Variants in LIPC observed in about 807,000 individuals in gnomAD.
LIPC encodes hepatic triacylglycerol lipase.
Under a neutral mutation model 50.7 loss-of-function variants are expected in LIPC, and 44 were observed. The observed-to-expected ratio is 0.87, with a 90% CI of 0.68 to 1.11. The LOEUF is 1.11. Ranked by LOEUF, LIPC falls within the 50% of genes most tolerant of loss-of-function variation. The probability of loss-of-function intolerance (pLI) is 0.00; values close to 1 mark genes in which losing one functional copy is unlikely to be tolerated. For missense variants in LIPC, 697 were observed against 648.2 expected (o/e 1.08, Z -0.82); for synonymous variants, 271 against 256.4 (o/e 1.06, Z -0.54).
chr15:58,519,068 G>T (rs114375546), intron 1 of LIPC, among the ~76,000 whole-genome samples: 5 of 151,998 alleles, frequency 3.3e-5, no homozygotes, highest in African/African-American at 1.2e-4. Context: ...AACTACACAG[G>T]GTATACAGGA....
intron 1 of LIPC, among the ~76,000 whole-genome samples, chr15:58,512,030 C>A (rs1041446924): frequency 5.9e-5 from 9 of 152,096 alleles, no homozygotes; most frequent in Admixed American, 2.0e-4. Flanking sequence ...AACCATAATA[C>A]AATAGTTATC....
chr15:58,516,237 C>CTTTTTTTTTTTTTTTTT (rs11351202), intron 1 of LIPC, among the ~76,000 whole-genome samples: 2 of 45,136 alleles, frequency 4.4e-5, no homozygotes, highest in Non-Finnish European at 8.3e-5. Flanking sequence ...CCTCTAGCTT[C>CTTTTTTTTTTTTTTTTT]TTTTTTTTTT....
intron 1 of LIPC, among the ~76,000 whole-genome samples, chr15:58,465,749 T>A (rs758655997): frequency 6.6e-6 from 1 of 152,066 alleles, no homozygotes; most frequent in Non-Finnish European, 1.5e-5. Flanking sequence ...CCTGGGAAGA[T>A]AGAGTCCAAG....
intron 1 of LIPC, among the ~76,000 whole-genome samples, chr15:58,466,166 C>G (rs926740354): frequency 8.5e-5 from 13 of 152,218 alleles, no homozygotes; most frequent in African/African-American, 2.9e-4. Flanking sequence ...CGTGAGATAT[C>G]TATCCATCTC....
At chr15:58,496,771 G>GTCTCCC (rs1891783834) in intron 1 of LIPC, among the ~76,000 whole-genome samples, 1 of 86,016 alleles carries the variant, frequency 1.2e-5, no homozygotes, top group African/African-American at 4.4e-5. Flanking sequence ...TTAAGATGGA[G>GTCTCCC]TCTCCCTCTG....
chr15:58,500,891 C>T (rs945679603), intron 1 of LIPC, among the ~76,000 whole-genome samples: 2 of 151,952 alleles, frequency 1.3e-5, no homozygotes, highest in African/African-American at 4.8e-5. Flanking sequence ...GACAAAGCCA[C>T]GTCAAAACAC....
chr15:58,435,230 TC>T (rs1223741057), intron 1 of LIPC: 19 of 152,352 alleles, frequency 1.2e-4, no homozygotes, highest in Non-Finnish European at 2.6e-4. Context: ...TGCAAATCTC[TC>T]TAATATCTGG....
At chr15:58,460,242 T>C (rs1227188775) in intron 1 of LIPC, among the ~76,000 whole-genome samples, 1 of 152,168 alleles carries the variant, frequency 6.6e-6, no homozygotes. Flanking sequence ...TGAAATAAAG[T>C]TTTGGCTTTT....
At chr15:58,471,670 T>C (rs545093565) in intron 1 of LIPC, among the ~76,000 whole-genome samples, 10 of 152,314 alleles carry the variant, frequency 6.6e-5, no homozygotes, top group African/African-American at 2.2e-4. Flanking sequence ...TAAAAGAAAC[T>C]TCTGGAGTCA....
intron 1 of LIPC, among the ~76,000 whole-genome samples, chr15:58,510,165 G>A (rs926345247): frequency 7.9e-5 from 12 of 152,324 alleles, no homozygotes; most frequent in Non-Finnish European, 1.6e-4. Context: ...AATAGACAAG[G>A]ACACAGCTCC....
chr15:58,489,019 G>C (rs1891474518), intron 1 of LIPC, among the ~76,000 whole-genome samples: 1 of 152,152 alleles, frequency 6.6e-6, no homozygotes, highest in South Asian at 2.1e-4. Context: ...GCATCTGCAA[G>C]TGCATTGTAA....
chr15:58,458,857 C>T (rs1894230328), intron 1 of LIPC, among the ~76,000 whole-genome samples: 1 of 152,134 alleles, frequency 6.6e-6, no homozygotes, highest in African/African-American at 2.4e-5. Context: ...TTTTTGCCAC[C>T]ATCTCTTTGT....
At chr15:58,456,376 TC>T (rs1355106242) in intron 1 of LIPC, 1 of 152,284 alleles carries the variant, frequency 6.6e-6, no homozygotes. Context: ...GTATTTATCC[TC>T]AATGCTTTCT....
chr15:58,557,379 CTT>C (rs386383140), intron 6 of LIPC, among the ~76,000 whole-genome samples: 11 of 75,694 alleles, frequency 1.5e-4, no homozygotes, highest in East Asian at 4.6e-4. Context: ...ATTATATGCT[CTT>C]TTTTTTTTTT....
At chr15:58,474,877 C>T (rs1363831169) in intron 1 of LIPC, among the ~76,000 whole-genome samples, 2 of 152,200 alleles carry the variant, frequency 1.3e-5, no homozygotes, top group Non-Finnish European at 2.9e-5. Context: ...AGCCTCCTGA[C>T]CTGCCCCATC....
intron 1 of LIPC, among the ~76,000 whole-genome samples, chr15:58,512,963 A>T (rs1475654605): frequency 6.9e-6 from 1 of 144,418 alleles, no homozygotes; most frequent in South Asian, 2.2e-4. Flanking sequence ...GCATCAACGA[A>T]AAAAAAAAAA....
chr15:58,494,519 G>A (rs1314934816), intron 1 of LIPC, among the ~76,000 whole-genome samples: 1 of 152,206 alleles, frequency 6.6e-6, no homozygotes, highest in African/African-American at 2.4e-5. Flanking sequence ...CTATGAAAGT[G>A]CATTGAACAA....
intron 1 of LIPC, among the ~76,000 whole-genome samples, chr15:58,527,352 C>A (rs12899928): frequency 0.037 from 5,590 of 152,192 alleles, 356 homozygotes; most frequent in African/African-American, 0.13. Flanking sequence ...AGTCACCAAG[C>A]GCCTCAGGAA....
chr15:58,513,798 TCA>T (rs779859430), intron 1 of LIPC, among the ~76,000 whole-genome samples: 56 of 152,270 alleles, frequency 3.7e-4, no homozygotes, highest in Admixed American at 1.9e-3. Flanking sequence ...CTGGCTCCAC[TCA>T]CAAGGGGCTG....
Sources: allele counts gnomAD v4.1 joint callset (sites outside exome capture counted in the v4.1 genomes callset), GRCh38; gene constraint gnomAD v4.1.1; transcripts MANE v1.5; gene names NCBI Gene and HGNC (gene_info 2026-07-23, HGNC 2026-07-21).